Variants in GREB1 observed in about 807,000 individuals in gnomAD.
The protein encoded by GREB1 is protein GREB1.
GREB1 carries 106 observed loss-of-function variants against 200.7 expected under a neutral mutation model. The ratio of observed to expected loss-of-function variants is 0.53; its 90% CI spans 0.45 to 0.62. GREB1 has a LOEUF of 0.62. Ranked by LOEUF, GREB1 falls within the 20% of genes least tolerant of loss-of-function variation. The pLI, the probability that GREB1 is intolerant of heterozygous loss-of-function variation, is 0.00. For missense variants in GREB1, 2,243 were observed against 2,556.8 expected (o/e 0.88, Z 2.65); for synonymous variants, 1,132 against 1,092.4 (o/e 1.04, Z -0.72).
At chr2:11,499,840 C>A (rs938434538) in intron 1 of GREB1, among the ~76,000 whole-genome samples, 5 of 152,112 alleles carry the variant, frequency 3.3e-5, no homozygotes, top group African/African-American at 1.2e-4. Flanking sequence ...GAACCTGTAC[C>A]CATGTCATTA....
chr2:11,615,249 T>C lies in GREB1; in HGVS notation c.3281T>C (p.Leu1094Pro). The C allele has an allele frequency of 6.2e-7, 1 of 1,609,704 alleles. No homozygotes were observed. The highest frequency in any genetic ancestry group is 8.5e-7 in the Non-Finnish European group (1 of 1,177,740). Residue 1094 changes from leucine (L) to proline (P), a missense_variant, in exon 20 of 33, where the codon CTG (leucine) becomes CCG (proline). Around this residue, in one of 3 missense-constraint regions of GREB1, gnomAD observed 587 missense variants for 553.1 expected, o/e 1.06. Transcript: ENST00000381486. ...NEALESDAEK[L>P]SSTDNEDEEL... Reference sequence around the variant, plus strand: ...GCCTTGGAGAGTGATGCTGAGAAGCTGAGCAGCACAGACAACGAGGATGAG... The same window carrying C: ...GCCTTGGAGAGTGATGCTGAGAAGCCGAGCAGCACAGACAACGAGGATGAG...
At chr2:11,533,508 C>T (rs1674152622), upstream of GREB1, among the ~76,000 whole-genome samples, 1 of 152,164 alleles carries the variant, frequency 6.6e-6, no homozygotes, top group Non-Finnish European at 1.5e-5. Context: ...CCCAGGCACA[C>T]CCAGCTCCAC....
At chr2:11,494,744 T>C (rs1235699185) in intron 1 of GREB1, among the ~76,000 whole-genome samples, 1 of 152,208 alleles carries the variant, frequency 6.6e-6, no homozygotes, top group Non-Finnish European at 1.5e-5. Flanking sequence ...TACTTAATGT[T>C]CTCTAGATCT....
chr2:11,533,926 A>G (rs143632904), upstream of GREB1, among the ~76,000 whole-genome samples: 808 of 152,344 alleles, frequency 5.3e-3, 4 homozygotes, highest in Middle Eastern at 0.031. Context: ...TTGGGCAATA[A>G]AAACCGCAGG....
At chr2:11,552,805 A>C (rs933448410) in intron 1 of GREB1, among the ~76,000 whole-genome samples, 2 of 151,942 alleles carry the variant, frequency 1.3e-5, no homozygotes, top group East Asian at 1.9e-4. Context: ...AGGTCAGGAG[A>C]TCGAGACCAT....
chr2:11,627,550 GAAA>G (rs1408344789), intron 25 of GREB1, among the ~76,000 whole-genome samples: 14 of 152,252 alleles, frequency 9.2e-5, no homozygotes, highest in Admixed American at 2.0e-4. Flanking sequence ...TTGAGGCACA[GAAA>G]TCCATTGATA....
At chr2:11,613,740 G>C (rs1443511229) in intron 19 of GREB1, among the ~76,000 whole-genome samples, 1 of 152,134 alleles carries the variant, frequency 6.6e-6, no homozygotes, top group African/African-American at 2.4e-5. Flanking sequence ...CTGAATACCA[G>C]GTACCTTCTG....
intron 28 of GREB1, 33 bp from the exon 29 acceptor site, chr2:11,634,098 A>G: frequency 6.3e-7 from 1 of 1,587,316 alleles, no homozygotes; most frequent in Non-Finnish European, 8.7e-7. Flanking sequence ...CTCGTGTGTC[A>G]GCCTAGGGAC....
chr2:11,591,964 A>G lies in GREB1; in HGVS notation c.1346-812A>G, dbSNP rs1369401901. On this transcript the variant is annotated intron_variant, in intron 10 of 32. Coordinates refer to ENST00000381486, the MANE Select transcript of GREB1 (RefSeq NM_014668.4). ...AATCATTGCAGCTATTTGTAAGGAC[A>G]GTTTTAATACTAATTCCAGCAATAC... The G allele has an allele frequency of 1.7e-5, 17 of 977,838 alleles. No homozygotes were observed. The Admixed American group carries it at 9.4e-4, about 54-fold the overall frequency. The allele number at this position is 977,838 out of a possible 1,614,324, so 60.6% of individuals were successfully genotyped here. A position where few individuals can be genotyped will look rare whatever the true frequency, so the allele number is the denominator to read the frequency against.
chr2:11,587,694 AACACACACACACACACACACAC>A (rs377181735), intron 9 of GREB1: 8 of 707,114 alleles, frequency 1.1e-5, no homozygotes, highest in African/African-American at 5.1e-5. Context: ...AGTACAAGAT[AACACACACACACACACACACAC>A]ACACACACAC....
At chr2:11,588,961 G>T in intron 10 of GREB1, 30 bp downstream of exon 10, 1 of 1,584,328 alleles carries the variant, frequency 6.3e-7, no homozygotes. Flanking sequence ...TGGCCCAGTG[G>T]CAGGGAGTGG....
At chr2:11,612,208 A>AAAAG in intron 18 of GREB1, 1 of 642,582 alleles carries the variant, frequency 1.6e-6, no homozygotes, top group Non-Finnish European at 2.0e-6. Context: ...AAAAAAAAAA[A>AAAAG]AGACTTAAGG....
rs1411635217 is a variant in GREB1 at position 11,629,736 on chromosome 2, GCT to G, written c.4450-208_4450-207del. On this transcript the variant is annotated intron_variant, in intron 25 of 32. Transcript: ENST00000381486. The surrounding 1 kb of genome is among the most constrained non-coding windows in gnomAD (Gnocchi z 5.2). The stretch of plus-strand genomic sequence containing the variant: ...CCATGCGGACTGAGGATGGGAGCAG[GCT>G]CTCGTCGTGGGTGTGTGGCCTCGGG... 2.0e-5 allele frequency among the ~76,000 whole-genome samples: 3 copies of G among 152,168 alleles called. No individual in the cohort carries two copies. The highest frequency in any genetic ancestry group is 1.3e-4 in the Admixed American group (2 of 15,284).
chr2:11,539,017 C>CCTTCTCTTCT (rs753570964), intron 1 of GREB1, among the ~76,000 whole-genome samples: 2,034 of 80,536 alleles, frequency 0.025, 64 homozygotes, highest in African/African-American at 0.028. Flanking sequence ...CCTTCTCCTC[C>CCTTCTCTTCT]CTTCTCTTCT....
intron 7 of GREB1, among the ~76,000 whole-genome samples, chr2:11,582,858 C>CTG (rs1356765913): frequency 2.0e-5 from 3 of 152,314 alleles, no homozygotes; most frequent in African/African-American, 7.2e-5. Flanking sequence ...GCCTAGAGTC[C>CTG]TGTCACTCAC....
intron 10 of GREB1, among the ~76,000 whole-genome samples, chr2:11,589,943 G>A (rs1680563283): frequency 6.6e-6 from 1 of 152,176 alleles, no homozygotes; most frequent in Non-Finnish European, 1.5e-5. Flanking sequence ...TGCATGGACA[G>A]GCCTTGAGTC....
rs1206867704 is a variant in GREB1, at chr2:11,492,539, G to A, written c.-159+10158G>A. Among the ~76,000 whole-genome samples the A allele has an allele frequency of 2.0e-5, 3 of 152,186 alleles. No homozygotes were observed. The highest frequency in any genetic ancestry group is 1.3e-4 in the Admixed American group (2 of 15,282). The stretch of plus-strand genomic sequence containing the variant: ...TGCTGTGAGAAGTTTGGGATGAGGG[G>A]TGGGTTTCTGTGAGACCCTGACCTG... On this transcript the variant is annotated intron_variant, in intron 1 of 2. Coordinates refer to the GREB1 transcript ENST00000628795. The surrounding 1 kb of genome is among the most constrained non-coding windows in gnomAD (Gnocchi z 4.0).
intron 1 of GREB1, among the ~76,000 whole-genome samples, chr2:11,484,744 C>G (rs997849583): frequency 3.3e-5 from 5 of 152,366 alleles, no homozygotes; most frequent in South Asian, 2.1e-4. Context: ...GATCGTGCCA[C>G]TGCACTTCAC....
intron 4 of GREB1, among the ~76,000 whole-genome samples, chr2:11,575,756 A>G (rs1358047986): frequency 6.6e-6 from 1 of 152,200 alleles, no homozygotes; most frequent in East Asian, 1.9e-4. Flanking sequence ...CTCACTAGTC[A>G]CATTGCTTTG....
Sources: allele counts gnomAD v4.1 joint callset (sites outside exome capture counted in the v4.1 genomes callset), GRCh38; gene constraint gnomAD v4.1.1; regional missense constraint gnomAD v4.1.1; non-coding constraint Gnocchi (gnomAD v3.1); transcripts MANE v1.5; gene names NCBI Gene and HGNC (gene_info 2026-07-23, HGNC 2026-07-21).